CFAP99: variants seen among roughly 807,000 people sequenced by gnomAD.
CFAP99 encodes cilia- and flagella-associated protein 99.
Under a neutral mutation model 82.7 loss-of-function variants are expected in CFAP99, and 84 were observed. That is an observed-to-expected ratio of 1.02 (90% confidence interval 0.85 to 1.22). CFAP99 has a LOEUF of 1.22. Among genes scored for constraint, CFAP99 ranks in the 50% most tolerant of loss-of-function variants. The pLI, the probability that CFAP99 is intolerant of heterozygous loss-of-function variation, is 0.00. For synonymous variants in CFAP99, 456 were observed against 429.5 expected, an observed-to-expected ratio of 1.06 and a Z score of -0.76; for missense variants, 1,059 against 983.5, an observed-to-expected ratio of 1.08 and a Z score of -1.03.
rs1226593107 is a variant in CFAP99 at position 2,462,352 on chromosome 4, T to G, written c.1662-91T>G. The stretch of plus-strand genomic sequence containing the variant: ...GAACCTCTCCGGCTGCGTAGCTCCT[T>G]GCCCCCGCGTCGCTTGGACACGGGT... On this transcript the variant is annotated intron_variant, in intron 14 of 14. Coordinates refer to ENST00000635017, the Ensembl canonical transcript of CFAP99. The surrounding 1 kb of genome is among the most constrained non-coding windows in gnomAD (Gnocchi z 4.1). 7.9e-7 allele frequency: 1 copy of G among 1,265,822 alleles called. No homozygotes were observed. Among genetic ancestry groups the G allele is most frequent in the Non-Finnish European group, 1.0e-6 (1 of 980,632 alleles). 78.4% of individuals were successfully genotyped at this position (1,265,822 alleles called of 1,614,324 possible).
chr4:2,454,594 G>GGTTTTTTTTTTTTTTTTT (rs1560388808), intron 11 of CFAP99, among the ~76,000 whole-genome samples: 1 of 84,538 alleles, frequency 1.2e-5, no homozygotes, highest in African/African-American at 4.2e-5. Flanking sequence ...TTTTTTTTTT[G>GGTTTTTTTTTTTTTTTTT]TTTTTTTTTT....
At position 2,462,521 on chromosome 4, in the gene CFAP99, G is replaced by A. The variant is rs912690112; in HGVS notation, c.1740G>A (p.Arg580=). ...AGCGCGTGCAGCAGCTGCGGCGCAG[G>A]ATCTCGGAGAGGGCGGCCGAGCGCA... Residue 580 remains arginine, a synonymous_variant, in exon 15 of 15, where the codon AGG becomes AGA. Transcript: ENST00000635017. The surrounding 1 kb of genome is among the most constrained non-coding windows in gnomAD (Gnocchi z 4.1). 3.4e-6 allele frequency: 5 copies of A among 1,475,300 alleles called. No individual in the cohort carries two copies. The highest frequency in any genetic ancestry group is 4.5e-6 in the Non-Finnish European group (5 of 1,121,668). 91.4% of individuals were successfully genotyped at this position (1,475,300 alleles called of 1,614,324 possible). A position where few individuals can be genotyped will look rare whatever the true frequency, so the allele number is the denominator to read the frequency against.
intron 8 of CFAP99, 63 bp downstream of exon 8, chr4:2,450,068 T>A: frequency 6.8e-7 from 1 of 1,481,242 alleles, no homozygotes; most frequent in African/African-American, 1.4e-5. Flanking sequence ...ATCAGAAAGT[T>A]CCTCCCAACG....
At chr4:2,426,380 A>C (rs1245505645) in intron 1 of CFAP99, 79 bp from the exon 2 acceptor site, 3 of 877,000 alleles carry the variant, frequency 3.4e-6, no homozygotes, top group African/African-American at 3.3e-5. Context: ...ACACCCTGGC[A>C]GACTCCTGTC....
intron 11 of CFAP99, among the ~76,000 whole-genome samples, chr4:2,454,712 C>T (rs752445363): frequency 3.1e-4 from 47 of 150,292 alleles, no homozygotes; most frequent in Non-Finnish European, 6.3e-4. Context: ...ACCTCTGCCT[C>T]CCAGGGTCAG....
At chr4:2,427,426 G>A (rs1341056984) in intron 2 of CFAP99, 1 of 152,672 alleles carries the variant, frequency 6.5e-6, no homozygotes, top group African/African-American at 2.4e-5. Context: ...AGAGGAAGCT[G>A]AGCCCACCAG....
intron 12 of CFAP99, 99 bp downstream of exon 12, chr4:2,458,963 G>A (rs1351955333): frequency 1.4e-6 from 2 of 1,460,330 alleles, no homozygotes; most frequent in Non-Finnish European, 1.8e-6. Flanking sequence ...GCTGTCCAGG[G>A]TCAGGGACCC....
At chr4:2,449,592 C>A in intron 6 of CFAP99, 78 bp from the exon 7 acceptor site, 1 of 1,299,594 alleles carries the variant, frequency 7.7e-7, no homozygotes, top group Non-Finnish European at 1.1e-6. Context: ...ATCCACCAAG[C>A]TGTCAGCCCT....
chr4:2,421,978 G>A (rs73793579), intron 1 of CFAP99, among the ~76,000 whole-genome samples: 7,332 of 152,132 alleles, frequency 0.048, 558 homozygotes, highest in African/African-American at 0.16. Flanking sequence ...GATCACTTGA[G>A]CTGCAGTGAG....
At chr4:2,453,658 A>C (rs940939600) in intron 11 of CFAP99, among the ~76,000 whole-genome samples, 1 of 12,962 alleles carries the variant, frequency 7.7e-5, no homozygotes, top group Non-Finnish European at 1.2e-4. Context: ...TACATATATA[A>C]ATGATTTGTG....
intron 8 of CFAP99, 57 bp downstream of exon 8, chr4:2,450,062 G>A (rs1734267922): frequency 1.3e-6 from 2 of 1,505,920 alleles, no homozygotes; most frequent in African/African-American, 1.4e-5. Context: ...CAAGCCATCA[G>A]AAAGTTCCTC....
In CFAP99 at chr4:2,446,816, A is replaced by AATGGATGG. The variant is rs35198255; in HGVS notation, c.642+1524_642+1531dup. On this transcript the variant is annotated intron_variant, in intron 6 of 14. Transcript: ENST00000635017. The surrounding 1 kb of genome is among the most constrained non-coding windows in gnomAD (Gnocchi z 5.0). ...TGGATGGTAGATGGATGGGTGGATG[A>AATGGATGG]ATGGATGGATGGATGGATGGATGAT... Among the ~76,000 whole-genome samples the AATGGATGG allele has an allele frequency of 2.7e-4, 40 of 150,284 alleles. No individual in the cohort carries two copies. Among genetic ancestry groups the AATGGATGG allele is most frequent in the South Asian group, 1.1e-3 (5 of 4,734 alleles).
downstream of CFAP99, chr4:2,462,962 C>G: frequency 8.8e-7 from 1 of 1,138,422 alleles, no homozygotes; most frequent in Non-Finnish European, 1.1e-6. This position sits in a 1 kb window ranked among gnomAD's most constrained non-coding sequence, Gnocchi z 4.1. Context: ...TTGCGGGCCA[C>G]CCCCTACACC....
intron 1 of CFAP99, among the ~76,000 whole-genome samples, chr4:2,423,192 A>G (rs1364288401): frequency 3.9e-5 from 6 of 152,190 alleles, no homozygotes; most frequent in Non-Finnish European, 8.8e-5. Flanking sequence ...TGCTGCCAGC[A>G]GCCTATTGCC....
chr4:2,420,094 T>A lies in CFAP99; in HGVS notation c.-18+1001T>A, dbSNP rs1380819888. On this transcript the variant is annotated intron_variant, in intron 1 of 14. Coordinates refer to ENST00000635017, the Ensembl canonical transcript of CFAP99. ...AGCATCCTCACTTGGCTGAAACAGA[T>A]CCCACTGTCCACTTCTCCTCCTCGC... Among the ~76,000 whole-genome samples the A allele has an allele frequency of 4.0e-5, 6 of 151,678 alleles. No individual in the cohort carries two copies. In the East Asian group the frequency reaches 1.2e-3, roughly 30 times the overall value.
At chr4:2,459,788 C>T (rs1454261022) in intron 13 of CFAP99, among the ~76,000 whole-genome samples, 1 of 152,210 alleles carries the variant, frequency 6.6e-6, no homozygotes, top group Non-Finnish European at 1.5e-5. Flanking sequence ...GGGAGATAGT[C>T]ATGAGCTCCA....
intron 2 of CFAP99, among the ~76,000 whole-genome samples, chr4:2,433,255 C>T (rs368159267): frequency 5.3e-5 from 8 of 152,344 alleles, no homozygotes; most frequent in Middle Eastern, 3.4e-3. Context: ...CAAACACAGA[C>T]GTCATTGATG....
At chr4:2,420,425 C>T (rs1733552812) in intron 1 of CFAP99, among the ~76,000 whole-genome samples, 1 of 152,162 alleles carries the variant, frequency 6.6e-6, no homozygotes, top group African/African-American at 2.4e-5. Flanking sequence ...ATAAAACCTG[C>T]TGCTCCCAAA....
intron 11 of CFAP99, among the ~76,000 whole-genome samples, chr4:2,453,651 ATATATAAATGATTTGTGTC>A (rs1734356931): frequency 2.2e-5 from 1 of 44,510 alleles, no homozygotes; most frequent in African/African-American, 1.1e-4. Flanking sequence ...CCACATATAC[ATATATAAATGATTTGTGTC>A]TATTTCTGTG....
Sources: allele counts gnomAD v4.1 joint callset (sites outside exome capture counted in the v4.1 genomes callset), GRCh38; gene constraint gnomAD v4.1.1; non-coding constraint Gnocchi (gnomAD v3.1); transcripts MANE v1.5; gene names NCBI Gene and HGNC (gene_info 2026-07-23, HGNC 2026-07-21).